Variants in BCHE observed in about 807,000 individuals in gnomAD.
BCHE encodes the protein butyrylcholinesterase, also known as cholinesterase.
BCHE carries 48 observed loss-of-function variants against 51.3 expected under a neutral mutation model. That is an observed-to-expected ratio of 0.94 (90% CI 0.74 to 1.19). The LOEUF (loss-of-function observed/expected upper bound fraction) is 1.19. BCHE is among the 50% of genes most tolerant of loss of function. The probability of loss-of-function intolerance (pLI) is 0.00; values close to 1 mark genes in which losing one functional copy is unlikely to be tolerated. For missense variants in BCHE, 847 were observed against 708.2 expected (o/e 1.20, Z -2.23); for synonymous variants, 251 against 238.0 (o/e 1.05, Z -0.50).
chr3:165,829,993 C>A lies in BCHE; in HGVS notation c.1041G>T (p.Val347=), dbSNP rs2108234858. The change falls in exon 2 of 4, where the codon GTG becomes GTT. Residue 347 remains valine (V), a synonymous_variant. Transcript: ENST00000264381. The stretch of plus-strand genomic sequence containing the variant: ...CTGTCCCTTCATCTTTATTAACACC[C>A]ACCAAAATCTGGGTTTTTTTAAATT... The part of the protein sequence containing the change: ...LGQFKKTQIL[V]GVNKDEGTAF... 1 of 1,613,738 alleles carries A rather than the reference C, an allele frequency of 6.2e-7. No individual in the cohort carries two copies. Among genetic ancestry groups the A allele is most frequent in the East Asian group, 2.2e-5 (1 of 44,866 alleles).
chr3:165,819,726 T>C (rs1214453713), intron 2 of BCHE, among the ~76,000 whole-genome samples: 1 of 97,088 alleles, frequency 1.0e-5, no homozygotes, highest in African/African-American at 3.6e-5. Context: ...TCTGTTCTTA[T>C]GTTTTTGCTA....
chr3:165,802,358 C>G (rs1408822083), intron 2 of BCHE, among the ~76,000 whole-genome samples: 1 of 152,040 alleles, frequency 6.6e-6, no homozygotes, highest in Non-Finnish European at 1.5e-5. Context: ...ATTAAAAAAT[C>G]ACTGAAGAGT....
At chr3:165,796,445 A>G (rs1212045686) in intron 2 of BCHE, among the ~76,000 whole-genome samples, 1 of 152,192 alleles carries the variant, frequency 6.6e-6, no homozygotes, top group African/African-American at 2.4e-5. Context: ...TTTTATTACT[A>G]GATCCTAATG....
At chr3:165,817,650 A>C (rs901446747) in intron 2 of BCHE, among the ~76,000 whole-genome samples, 3 of 152,020 alleles carry the variant, frequency 2.0e-5, no homozygotes, top group South Asian at 2.1e-4. Context: ...ATTTTAATAG[A>C]ACTTTGTCAG....
At chr3:165,819,427 A>C (rs1395989236) in intron 2 of BCHE, among the ~76,000 whole-genome samples, 1 of 152,070 alleles carries the variant, frequency 6.6e-6, no homozygotes. Flanking sequence ...TAGAATTAAA[A>C]GTAATTAAAA....
chr3:165,817,006 A>T (rs1714337759), intron 2 of BCHE, among the ~76,000 whole-genome samples: 1 of 152,086 alleles, frequency 6.6e-6, no homozygotes, highest in Non-Finnish European at 1.5e-5. Flanking sequence ...TATTTCTGGA[A>T]AAACAGGTCC....
chr3:165,786,213 A>G lies in BCHE; in HGVS notation c.1616T>C (p.Met539Thr). The G allele has an allele frequency of 6.2e-7, 1 of 1,612,366 alleles. No individual in the cohort carries two copies. The highest frequency in any genetic ancestry group is 8.5e-7 in the Non-Finnish European group (1 of 1,178,806). The change falls in exon 3 of 4, where the codon ATG (methionine) becomes ACG (threonine). Residue 539 changes from methionine (M) to threonine (T), a missense_variant. Met to Thr is a moderately conservative substitution (Grantham distance 81). Coordinates refer to ENST00000264381, the MANE Select transcript of BCHE (RefSeq NM_000055.4). ...ACATTGTTGAGCACGTAGTTTCGTCATTATTCTTGTTGACTCTGTATTCAA... is the reference window on the plus strand; with the variant it reads ...ACATTGTTGAGCACGTAGTTTCGTCGTTATTCTTGTTGACTCTGTATTCAA... ...LTLNTESTRI[M>T]TKLRAQQCRF... is the part of the protein sequence containing the mutation.
chr3:165,776,262 T>C (rs1012044001), intron 3 of BCHE, among the ~76,000 whole-genome samples: 5 of 151,986 alleles, frequency 3.3e-5, no homozygotes, highest in African/African-American at 1.2e-4. Context: ...ACAATGTAAG[T>C]TTCTTAGAAT....
intron 2 of BCHE, among the ~76,000 whole-genome samples, chr3:165,802,316 T>A (rs1713683409): frequency 6.6e-6 from 1 of 152,188 alleles, no homozygotes; most frequent in South Asian, 2.1e-4. Context: ...ATTTAGATAA[T>A]GATAAGAAAT....
chr3:165,805,406 A>T (rs16849660), intron 2 of BCHE, among the ~76,000 whole-genome samples: 3,446 of 152,258 alleles, frequency 0.023, 77 homozygotes, highest in African/African-American at 0.055. Context: ...AGCTTAGAAA[A>T]TGTGTTAGTT....
intron 2 of BCHE, among the ~76,000 whole-genome samples, chr3:165,789,100 T>A (rs1191042720): frequency 6.6e-6 from 1 of 152,180 alleles, no homozygotes; most frequent in Non-Finnish European, 1.5e-5. Flanking sequence ...TCTCAAAGAA[T>A]TTTTTGTTCT....
At chr3:165,815,692 T>C (rs899334776) in intron 2 of BCHE, among the ~76,000 whole-genome samples, 1 of 152,132 alleles carries the variant, frequency 6.6e-6, no homozygotes, top group African/African-American at 2.4e-5. Context: ...ATTATTATTA[T>C]TCTTTACATA....
chr3:165,811,952 G>C (rs180994382), intron 2 of BCHE, among the ~76,000 whole-genome samples: 1 of 151,844 alleles, frequency 6.6e-6, no homozygotes, highest in South Asian at 2.1e-4. Context: ...TACTCCTTTT[G>C]TTCCTTTCTG....
intron 2 of BCHE, among the ~76,000 whole-genome samples, chr3:165,803,049 T>A (rs1463640603): frequency 3.9e-5 from 6 of 152,136 alleles, no homozygotes; most frequent in Non-Finnish European, 5.9e-5. Flanking sequence ...ATAGATGATA[T>A]TTTTTAAAGG....
rs753284945 is a variant in BCHE at position 165,829,924 on chromosome 3, ATTG to A, written c.1107_1109del (p.Asn370del). On this transcript the variant is annotated inframe_deletion, in exon 2 of 4. Coordinates refer to ENST00000264381, the MANE Select transcript of BCHE (RefSeq NM_000055.4). ...GAAATTCTTTTCTAGTTATGATACT[ATTG>A]TTATCTTTGCTGAAGCCAGGAGCAC... The A allele has an allele frequency of 1.5e-5, 25 of 1,613,488 alleles. No homozygotes were observed. Among genetic ancestry groups the A allele is most frequent in the Non-Finnish European group, 2.0e-5 (24 of 1,179,818 alleles).
chr3:165,798,561 A>C (rs990921647), intron 2 of BCHE, among the ~76,000 whole-genome samples: 2 of 152,190 alleles, frequency 1.3e-5, no homozygotes, highest in Non-Finnish European at 2.9e-5. Flanking sequence ...CACAACTTGA[A>C]TGGCTGAGGT....
chr3:165,830,353 T>A lies in BCHE; in HGVS notation c.681A>T (p.Ala227=). Reference sequence around the variant, plus strand: ...AATGCAGGCTAACTGAAGCTGCTCCTGCACTTTCTCCAAAGAGAGTTACAC... The same window carrying A: ...AATGCAGGCTAACTGAAGCTGCTCCAGCACTTTCTCCAAAGAGAGTTACAC... ...PKSVTLFGES[A]GAASVSLHLL... Residue 227 remains alanine (A), a synonymous_variant, in exon 2 of 4, where the codon GCA becomes GCT. Transcript: ENST00000264381. 3.1e-6 allele frequency: 5 copies of A among 1,614,040 alleles called. No homozygotes were observed. The highest frequency in any genetic ancestry group is 4.2e-6 in the Non-Finnish European group (5 of 1,179,962).
At chr3:165,801,009 A>C (rs1379346943) in intron 2 of BCHE, among the ~76,000 whole-genome samples, 1 of 152,200 alleles carries the variant, frequency 6.6e-6, no homozygotes, top group Non-Finnish European at 1.5e-5. Flanking sequence ...CATAGAAAGG[A>C]GTTCTCAGCT....
At chr3:165,810,051 T>C (rs1054016805) in intron 2 of BCHE, among the ~76,000 whole-genome samples, 5 of 152,218 alleles carry the variant, frequency 3.3e-5, no homozygotes, top group Non-Finnish European at 7.4e-5. Context: ...AAAATTACTA[T>C]TCTTAGTCAT....
Sources: gnomAD v4.1 joint callset for allele counts (sites outside exome capture counted in the v4.1 genomes callset) on GRCh38, gnomAD v4.1.1 for gene constraint, MANE v1.5 for transcripts, NCBI Gene and HGNC (gene_info 2026-07-23, HGNC 2026-07-21) for gene names.